Variants in CYP2C8 observed in about 807,000 individuals in gnomAD.
CYP2C8 encodes the protein cytochrome P450 family 2 subfamily C member 8.
Under a neutral mutation model 41.3 loss-of-function variants are expected in CYP2C8, and 51 were observed. That is an observed-to-expected ratio of 1.24 (90% CI 0.99 to 1.56). CYP2C8 has a LOEUF of 1.56. Ranked by LOEUF, CYP2C8 falls within the 40% of genes most tolerant of loss-of-function variation. CYP2C8 has a pLI of 0.00. For synonymous variants in CYP2C8, 218 were observed against 205.8 expected (o/e 1.06, Z -0.51); for missense variants, 651 against 579.9 (o/e 1.12, Z -1.26).
chr10:95,045,766 A>T, intron 6 of CYP2C8, 44 bp downstream of exon 6: 1 of 1,612,888 alleles, frequency 6.2e-7, no homozygotes, highest in Non-Finnish European at 8.5e-7. Flanking sequence ...CCATCTTCTC[A>T]GCATTGTTCT....
chr10:95,043,344 AAAAT>A (rs2033045806), intron 6 of CYP2C8, among the ~76,000 whole-genome samples: 1 of 152,254 alleles, frequency 6.6e-6, no homozygotes, highest in Non-Finnish European at 1.5e-5. Flanking sequence ...CATTATTTAA[AAAAT>A]AAACAGAACA....
chr10:95,069,058 G>A (rs544989974), intron 1 of CYP2C8, 177 bp downstream of exon 1: 63 of 662,884 alleles, frequency 9.5e-5, no homozygotes, highest in Admixed American at 3.3e-4. Flanking sequence ...GCGAGACTCC[G>A]TCTCAAAAAA....
intron 3 of CYP2C8, among the ~76,000 whole-genome samples, chr10:95,066,149 A>AGTGT (rs751093504): frequency 5.2e-5 from 6 of 116,400 alleles, no homozygotes; most frequent in African/African-American, 2.4e-4. Context: ...AGAGAGAGAG[A>AGTGT]GAGAGTGTGT....
intron 6 of CYP2C8, among the ~76,000 whole-genome samples, 165 bp from the exon 7 acceptor site, chr10:95,043,242 A>G (rs960039930): frequency 2.6e-5 from 4 of 152,240 alleles, no homozygotes; most frequent in Admixed American, 6.5e-5. Flanking sequence ...ACCATAATAT[A>G]GATACATACC....
intron 6 of CYP2C8, among the ~76,000 whole-genome samples, chr10:95,043,891 T>TAC (rs1233374117): frequency 6.8e-6 from 1 of 146,460 alleles, no homozygotes; most frequent in Non-Finnish European, 1.5e-5. Context: ...CACACACATA[T>TAC]ACACACATAC....
intron 5 of CYP2C8, among the ~76,000 whole-genome samples, chr10:95,051,121 C>A (rs2033207600): frequency 6.6e-6 from 1 of 152,092 alleles, no homozygotes; most frequent in African/African-American, 2.4e-5. Context: ...ATTCACAATT[C>A]TATCAGATAA....
At chr10:95,054,678 A>T (rs1309664868) in intron 5 of CYP2C8, among the ~76,000 whole-genome samples, 1 of 152,130 alleles carries the variant, frequency 6.6e-6, no homozygotes, top group Admixed American at 6.6e-5. Context: ...CCCACAAAAA[A>T]CAACTAGAGC....
chr10:95,041,046 A>G, intron 7 of CYP2C8: 2 of 452,884 alleles, frequency 4.4e-6, no homozygotes, highest in Non-Finnish European at 8.9e-6. Context: ...AACAGAACAA[A>G]TCCAGCTGTT....
At chr10:95,038,319 G>T (rs2032925417) in intron 8 of CYP2C8, among the ~76,000 whole-genome samples, 1 of 152,120 alleles carries the variant, frequency 6.6e-6, no homozygotes, top group African/African-American at 2.4e-5. Context: ...TCCATTTTAT[G>T]CCTCACTGTG....
chr10:95,051,842 TGTAA>T (rs1368389182), intron 5 of CYP2C8, among the ~76,000 whole-genome samples: 4 of 152,072 alleles, frequency 2.6e-5, no homozygotes, highest in Non-Finnish European at 4.4e-5. Context: ...AGTTAATAGC[TGTAA>T]GTGTCAACTA....
rs1031948070 is a variant in CYP2C8 at position 95,058,397 on chromosome 10, C to T, written c.757G>A (p.Ala253Thr). 1.2e-6 allele frequency: 2 copies of T among 1,613,458 alleles called. No homozygotes were observed. The highest frequency in any genetic ancestry group is 2.2e-5 in the East Asian group (1 of 44,818). The part of the protein sequence containing the change: ...YIREKVKEHQ[A>T]SLDVNNPRDF... ...CGAGGATTGTTAACATCCAGTGATG[C>T]TTGGTGTTCTTTTACTTTCTCCCTA... Residue 253 changes from alanine to threonine, a missense_variant, in exon 5 of 9, where the codon GCA becomes ACA. Ala to Thr is a moderately conservative substitution (Grantham distance 58). Transcript: ENST00000371270.
chr10:95,044,205 C>A (rs2033064444), intron 6 of CYP2C8, among the ~76,000 whole-genome samples: 1 of 152,114 alleles, frequency 6.6e-6, no homozygotes, highest in Non-Finnish European at 1.5e-5. Context: ...GGAGCACAAC[C>A]CCCAGTATTG....
At chr10:95,057,252 C>T (rs1425651097) in intron 5 of CYP2C8, among the ~76,000 whole-genome samples, 2 of 152,060 alleles carry the variant, frequency 1.3e-5, no homozygotes, top group African/African-American at 4.8e-5. Context: ...CAAGACCCAC[C>T]TCTGGAGTTG....
intron 4 of CYP2C8, among the ~76,000 whole-genome samples, chr10:95,060,557 G>T (rs2033406298): frequency 6.6e-6 from 1 of 152,114 alleles, no homozygotes. Context: ...AGATGATGGG[G>T]TTTTCTAGAT....
intron 6 of CYP2C8, among the ~76,000 whole-genome samples, chr10:95,044,331 TA>T (rs1255550306): frequency 2.0e-5 from 3 of 152,226 alleles, no homozygotes; most frequent in African/African-American, 7.2e-5. Context: ...TGAATGCTGA[TA>T]TTTTATATAT....
chr10:95,043,314 C>T (rs1190899876), intron 6 of CYP2C8, among the ~76,000 whole-genome samples: 1 of 151,878 alleles, frequency 6.6e-6, no homozygotes, highest in Non-Finnish European at 1.5e-5. Flanking sequence ...GCATATATGA[C>T]AATACAAATT....
chr10:95,053,349 A>G (rs2033247306), intron 5 of CYP2C8, among the ~76,000 whole-genome samples: 1 of 152,184 alleles, frequency 6.6e-6, no homozygotes, highest in African/African-American at 2.4e-5. Flanking sequence ...ATTGTGGAAG[A>G]CAGTGTGGCA....
At chr10:95,054,649 T>G (rs150970735) in intron 5 of CYP2C8, among the ~76,000 whole-genome samples, 3 of 152,160 alleles carry the variant, frequency 2.0e-5, no homozygotes, top group Non-Finnish European at 4.4e-5. Flanking sequence ...CAATTATATA[T>G]AAAGAAAAGT....
At chr10:95,065,585 A>G (rs1198288619) in intron 3 of CYP2C8, among the ~76,000 whole-genome samples, 4 of 152,182 alleles carry the variant, frequency 2.6e-5, no homozygotes, top group Admixed American at 1.3e-4. Context: ...AGTAAAGCTA[A>G]CCAAAAAGTA....
Sources: gnomAD v4.1 joint callset for allele counts (sites outside exome capture counted in the v4.1 genomes callset) on GRCh38, gnomAD v4.1.1 for gene constraint, MANE v1.5 for transcripts, NCBI Gene and HGNC (gene_info 2026-07-23, HGNC 2026-07-21) for gene names.